The following RAB3GAP2 variants were observed in gnomAD, a reference collection of about 807,000 sequenced individuals.
RAB3GAP2 encodes RAB3 GTPase activating non-catalytic protein subunit 2, also known as rab3 GTPase-activating protein non-catalytic subunit.
A neutral mutation model predicts 185.3 loss-of-function variants in RAB3GAP2; 87 were observed. The ratio of observed to expected loss-of-function variants is 0.47; its 90% CI spans 0.39 to 0.56. RAB3GAP2 has a LOEUF of 0.56. Among genes scored for constraint, RAB3GAP2 ranks in the 20% least tolerant of loss-of-function variants. RAB3GAP2 has a pLI of 0.00. For synonymous variants in RAB3GAP2, 554 were observed against 576.1 expected (o/e 0.96, Z 0.55); for missense variants, 1,492 against 1,638.2 (o/e 0.91, Z 1.54).
chr1:220,160,974 G>A (rs566425208), intron 28 of RAB3GAP2, among the ~76,000 whole-genome samples: 1 of 152,272 alleles, frequency 6.6e-6, no homozygotes, highest in African/African-American at 2.4e-5. Context: ...CTACTTCCTG[G>A]TTTAGGACTG....
intron 26 of RAB3GAP2, among the ~76,000 whole-genome samples, chr1:220,165,713 T>C (rs956468273): frequency 6.6e-6 from 1 of 152,316 alleles, no homozygotes; most frequent in Non-Finnish European, 1.5e-5. Flanking sequence ...CTGATAACAC[T>C]AGTCAAAATG....
Position 220,193,270 on chromosome 1 carries a change from C to G in RAB3GAP2, c.1240G>C (p.Ala414Pro). ...CACATGCGTATTGCAATTCCTCTAG[C>G]TACATCCAATAAAATAACTCTGCCG... ...DFGRVILLDV[A>P]RGIAIRMWKG... is the part of the protein sequence containing the mutation. The change falls in exon 13 of 35, where the codon GCT (alanine) becomes CCT (proline). Residue 414 changes from alanine (A) to proline (P), a missense_variant. Ala to Pro is a conservative substitution (Grantham distance 27). Transcript: ENST00000358951. The G allele has an allele frequency of 6.2e-7, 1 of 1,613,990 alleles. No homozygotes were observed.
At chr1:220,173,412 T>C (rs1030820455) in intron 21 of RAB3GAP2, among the ~76,000 whole-genome samples, 1 of 152,224 alleles carries the variant, frequency 6.6e-6, no homozygotes, top group Non-Finnish European at 1.5e-5. Context: ...AGTACTGGTA[T>C]CTCTGAAAGG....
intron 1 of RAB3GAP2, among the ~76,000 whole-genome samples, chr1:220,261,522 G>C (rs1230639818): frequency 1.3e-5 from 2 of 152,150 alleles, no homozygotes; most frequent in African/African-American, 4.8e-5. Context: ...TCTCTTTGCT[G>C]ACAAAGAAAT....
chr1:220,188,748 T>C (rs1012338063), intron 17 of RAB3GAP2, among the ~76,000 whole-genome samples: 5 of 152,158 alleles, frequency 3.3e-5, no homozygotes, highest in African/African-American at 9.7e-5. Flanking sequence ...TGGATAAGCA[T>C]AGCATCATTT....
In RAB3GAP2 at chr1:220,210,454, C is replaced by T. The variant is rs763260144; in HGVS notation, c.546G>A (p.Glu182=). The T allele has an allele frequency of 4.3e-6, 7 of 1,613,942 alleles. No individual in the cohort carries two copies. The Admixed American group carries it at 5.0e-5, about 12-fold the overall frequency. The change falls in exon 7 of 35, where the codon GAG becomes GAA. Residue 182 remains glutamate (E), a synonymous_variant. Transcript: ENST00000358951. ...TGCATTTAAGTTGAAGTACTGGGTC[C>T]TCATTCAAAAGCTGTGCAAGCAAGA... ...GVLLLAQLLN[E]DPVLQLKCRT...
intron 31 of RAB3GAP2, among the ~76,000 whole-genome samples, chr1:220,156,333 T>C (rs1038521926): frequency 1.3e-5 from 2 of 152,166 alleles, no homozygotes; most frequent in South Asian, 4.1e-4. Context: ...CTTCTATCAG[T>C]AAAAAGCTAA....
At chr1:220,161,280 T>G (rs1486911904) in intron 28 of RAB3GAP2, among the ~76,000 whole-genome samples, 1 of 152,030 alleles carries the variant, frequency 6.6e-6, no homozygotes, top group Non-Finnish European at 1.5e-5. Flanking sequence ...TGGCCTAAAG[T>G]TGGGTCTTGG....
chr1:220,210,952 T>C lies in RAB3GAP2; in HGVS notation c.434+3A>G. 9 of 1,614,040 alleles carry C rather than the reference T, an allele frequency of 5.6e-6. No homozygotes were observed. The highest frequency in any genetic ancestry group is 7.6e-6 in the Non-Finnish European group (9 of 1,179,934). ...AAAACAGATGACTCTTATTTATCCT[T>C]ACCTCTTTTGGCTTGCTAGTGGGAT... On this transcript the variant is annotated splice_donor_region_variant and intron_variant, in intron 5 of 34. Transcript: ENST00000358951.
rs138241646 is a variant in RAB3GAP2 at position 220,232,261 on chromosome 1, A to C, written c.180+538T>G. On this transcript the variant is annotated intron_variant, in intron 2 of 34. Transcript: ENST00000358951. ...CCCAAAAAACATGTGTTGAAAGTTT[A>C]ATCCCCAATGCAACAGTGTTGGGAA... Among the ~76,000 whole-genome samples the C allele has an allele frequency of 1.5e-3, 228 of 152,358 alleles. 2 individuals carry two copies. Among genetic ancestry groups the C allele is most frequent in the African/African-American group, 5.4e-3 (224 of 41,584 alleles).
chr1:220,260,013 G>GA (rs1558174174), intron 1 of RAB3GAP2, among the ~76,000 whole-genome samples: 1 of 152,120 alleles, frequency 6.6e-6, no homozygotes, highest in African/African-American at 2.4e-5. Flanking sequence ...AATCATTACA[G>GA]AAATGCAAAT....
At chr1:220,253,750 A>G (rs567868250) in intron 1 of RAB3GAP2, 65 of 1,611,796 alleles carry the variant, frequency 4.0e-5, no homozygotes, top group East Asian at 4.0e-4. Context: ...TCCGGAGAGC[A>G]GAGTACTCAA....
At chr1:220,175,117 C>T (rs183038844) in intron 21 of RAB3GAP2, among the ~76,000 whole-genome samples, 3 of 152,252 alleles carry the variant, frequency 2.0e-5, no homozygotes, top group East Asian at 3.9e-4. Flanking sequence ...CAGAATTTAT[C>T]TTATATTTTA....
intron 1 of RAB3GAP2, among the ~76,000 whole-genome samples, chr1:220,259,725 AG>A (rs1660098828): frequency 1.3e-5 from 2 of 152,236 alleles, no homozygotes; most frequent in Admixed American, 1.3e-4. Context: ...TTGCAACAAA[AG>A]CAAAAATTGA....
chr1:220,162,161 CAAAT>C (rs749487314), intron 28 of RAB3GAP2, 33 bp downstream of exon 28: 111 of 1,400,088 alleles, frequency 7.9e-5, no homozygotes, highest in Non-Finnish European at 1.1e-4. Flanking sequence ...ATAAGAGAAT[CAAAT>C]AAATAAGAAG....
At position 220,193,167 on chromosome 1, in the gene RAB3GAP2, A is replaced by C. The variant is rs1227774096; in HGVS notation, c.1270+73T>G. The C allele has an allele frequency of 3.2e-6, 5 of 1,540,194 alleles. No homozygotes were observed. In the East Asian group the frequency reaches 9.0e-5, roughly 28 times the overall value. On this transcript the variant is annotated intron_variant, in intron 13 of 34. Coordinates refer to ENST00000358951, the MANE Select transcript of RAB3GAP2 (RefSeq NM_012414.4). ...AACAGAGTTATCATCCAGAAGCTGAAGGATGATAACATTGCTCAACTATTG... is the reference window on the plus strand; with the variant it reads ...AACAGAGTTATCATCCAGAAGCTGACGGATGATAACATTGCTCAACTATTG...
chr1:220,254,190 A>C (rs370733127), intron 1 of RAB3GAP2: 1 of 1,613,560 alleles, frequency 6.2e-7, no homozygotes. Context: ...GTGGAAACAC[A>C]GATAATAAGG....
chr1:220,195,449 C>T (rs1658706381), intron 10 of RAB3GAP2, 72 bp from the exon 11 acceptor site: 1 of 1,370,020 alleles, frequency 7.3e-7, no homozygotes, highest in Non-Finnish European at 1.0e-6. Flanking sequence ...CTAAATAAAG[C>T]TTACTTTAAA....
At chr1:220,255,845 T>C (rs548032971) in intron 1 of RAB3GAP2, among the ~76,000 whole-genome samples, 25 of 152,172 alleles carry the variant, frequency 1.6e-4, no homozygotes, top group Middle Eastern at 3.4e-3. Context: ...CAGAACCAAG[T>C]TGGAAAACAG....
Sources: allele counts gnomAD v4.1 joint callset (sites outside exome capture counted in the v4.1 genomes callset), GRCh38; gene constraint gnomAD v4.1.1; transcripts MANE v1.5; gene names NCBI Gene and HGNC (gene_info 2026-07-23, HGNC 2026-07-21).